PDSS2: variants seen among roughly 807,000 people sequenced by gnomAD.
PDSS2 encodes the protein all trans-polyprenyl-diphosphate synthase PDSS2.
PDSS2 carries 31 observed loss-of-function variants against 44.5 expected under a neutral mutation model. That is an observed-to-expected ratio of 0.70 (90% CI 0.52 to 0.94). The LOEUF is 0.94. Among genes scored for constraint, PDSS2 ranks in the 40% least tolerant of loss-of-function variants. The pLI is 0.00. For missense variants in PDSS2, 452 were observed against 482.2 expected, an observed-to-expected ratio of 0.94 and a Z score of 0.59; for synonymous variants, 157 against 180.3, an observed-to-expected ratio of 0.87 and a Z score of 1.03.
chr6:107,347,974 C>A (rs1778307593), intron 1 of PDSS2, among the ~76,000 whole-genome samples: 2 of 152,114 alleles, frequency 1.3e-5, no homozygotes, highest in South Asian at 2.1e-4. Context: ...CCCCACCCCC[C>A]ACACAGTTTT....
At chr6:107,401,179 A>T (rs1226924465) in intron 1 of PDSS2, among the ~76,000 whole-genome samples, 3 of 152,196 alleles carry the variant, frequency 2.0e-5, no homozygotes, top group Non-Finnish European at 2.9e-5. Flanking sequence ...CAGGAAGGAC[A>T]CAAGCTTTGT....
At chr6:107,216,035 G>C (rs1422168707) in intron 4 of PDSS2, among the ~76,000 whole-genome samples, 1 of 151,982 alleles carries the variant, frequency 6.6e-6, no homozygotes, top group African/African-American at 2.4e-5. Flanking sequence ...TACTTGGGAG[G>C]CTGAGGCAGG....
At chr6:107,438,108 G>A (rs1449998873) in intron 1 of PDSS2, among the ~76,000 whole-genome samples, 1 of 152,118 alleles carries the variant, frequency 6.6e-6, no homozygotes, top group East Asian at 1.9e-4. Context: ...TGGAATATTA[G>A]GTCATCTCAA....
Position 107,387,656 on chromosome 6 carries a change from G to A in PDSS2, c.297-53324C>T, listed in dbSNP as rs1779651346. 2.6e-5 allele frequency among the ~76,000 whole-genome samples: 4 copies of A among 152,282 alleles called. No homozygotes were observed. In the South Asian group the frequency reaches 8.3e-4, roughly 32 times the overall value. ...TAATACTGAAGCATAAAGGTCTGAA[G>A]GATAACAGATATCCACAGTTATTCT... is the stretch of plus-strand genomic sequence containing the variant. On this transcript the variant is annotated intron_variant, in intron 1 of 7. Coordinates refer to ENST00000369037, the MANE Select transcript of PDSS2 (RefSeq NM_020381.4).
intron 1 of PDSS2, among the ~76,000 whole-genome samples, chr6:107,354,175 T>C (rs1488890756): frequency 6.6e-6 from 1 of 152,180 alleles, no homozygotes; most frequent in East Asian, 1.9e-4. Context: ...CTCCATATAC[T>C]CAATAGTCTA....
chr6:107,248,756 G>C (rs1386073896), intron 3 of PDSS2, among the ~76,000 whole-genome samples: 1 of 152,120 alleles, frequency 6.6e-6, no homozygotes, highest in Non-Finnish European at 1.5e-5. Context: ...TTATAATTAG[G>C]CATGTAAACT....
intron 2 of PDSS2, among the ~76,000 whole-genome samples, chr6:107,327,856 T>A (rs1777596764): frequency 6.6e-6 from 1 of 152,250 alleles, no homozygotes; most frequent in African/African-American, 2.4e-5. Flanking sequence ...AGAATCTGGT[T>A]ATAGCTCACA....
chr6:107,239,386 A>C (rs147749016), intron 4 of PDSS2, among the ~76,000 whole-genome samples: 1 of 152,170 alleles, frequency 6.6e-6, no homozygotes, highest in Non-Finnish European at 1.5e-5. Flanking sequence ...AATATTAAAC[A>C]ATCATTAAAA....
intron 1 of PDSS2, among the ~76,000 whole-genome samples, chr6:107,351,484 G>A: frequency 6.6e-6 from 1 of 152,142 alleles, no homozygotes; most frequent in East Asian, 1.9e-4. Flanking sequence ...AGCCTATCAA[G>A]ATGCTTGACT....
chr6:107,248,363 A>G (rs1774697585), intron 3 of PDSS2, among the ~76,000 whole-genome samples: 1 of 152,014 alleles, frequency 6.6e-6, no homozygotes, highest in African/African-American at 2.4e-5. Flanking sequence ...TGCTATAGAT[A>G]AGTGCAACCT....
chr6:107,262,003 G>T, intron 3 of PDSS2, among the ~76,000 whole-genome samples: 1 of 146,750 alleles, frequency 6.8e-6, no homozygotes, highest in East Asian at 2.0e-4. Flanking sequence ...CCGCCTCCCT[G>T]GTTCACGCCA....
intron 2 of PDSS2, among the ~76,000 whole-genome samples, chr6:107,329,982 T>TA (rs1218726359): frequency 7.1e-6 from 1 of 140,650 alleles, no homozygotes; most frequent in Non-Finnish European, 1.5e-5. Context: ...GCCTAGGTGA[T>TA]AGAGCGAGAC....
chr6:107,392,697 G>A (rs1459726602), intron 1 of PDSS2, among the ~76,000 whole-genome samples: 1 of 152,078 alleles, frequency 6.6e-6, no homozygotes, highest in African/African-American at 2.4e-5. Flanking sequence ...TTTAGTCTCA[G>A]TTCATCAGTA....
At chr6:107,261,997 C>A (rs1775254195) in intron 3 of PDSS2, among the ~76,000 whole-genome samples, 1 of 149,002 alleles carries the variant, frequency 6.7e-6, no homozygotes, top group South Asian at 2.1e-4. Context: ...CAAGCTCCGC[C>A]TCCCTGGTTC....
chr6:107,261,934 A>C (rs1286347048), intron 3 of PDSS2, among the ~76,000 whole-genome samples: 2 of 117,582 alleles, frequency 1.7e-5, no homozygotes, highest in African/African-American at 6.9e-5. Flanking sequence ...TTTGAGATGG[A>C]GTCTGGCTCT....
At chr6:107,321,122 G>A (rs1007864231) in intron 2 of PDSS2, among the ~76,000 whole-genome samples, 4 of 152,182 alleles carry the variant, frequency 2.6e-5, no homozygotes, top group Non-Finnish European at 4.4e-5. Flanking sequence ...CTCTATATGT[G>A]TTAGCTATAG....
intron 7 of PDSS2, among the ~76,000 whole-genome samples, chr6:107,175,708 G>A: frequency 6.6e-6 from 1 of 152,162 alleles, no homozygotes; most frequent in East Asian, 1.9e-4. Flanking sequence ...TATGGTTGTA[G>A]AACAAATGTC....
At chr6:107,374,601 G>A (rs983768621) in intron 1 of PDSS2, among the ~76,000 whole-genome samples, 9 of 152,218 alleles carry the variant, frequency 5.9e-5, no homozygotes, top group Admixed American at 2.0e-4. Context: ...GCCATGAACA[G>A]TGTTTTCAGT....
At position 107,169,348 on chromosome 6, in the gene PDSS2, T is replaced by C. The variant is rs563438030; in HGVS notation, c.1042-14571A>G. Among the ~76,000 whole-genome samples the C allele has an allele frequency of 7.2e-5, 11 of 152,286 alleles. No individual in the cohort carries two copies. The East Asian group carries it at 2.1e-3, about 29-fold the overall frequency. ...CTCCATCAGGTCATTTAAGGACTTC[T>C]CTACACTGGTTATTCTAGTTAGCCA... On this transcript the variant is annotated intron_variant, in intron 7 of 7. Coordinates refer to ENST00000369037, the MANE Select transcript of PDSS2 (RefSeq NM_020381.4).
Sources: gnomAD v4.1 joint callset for allele counts (sites outside exome capture counted in the v4.1 genomes callset) on GRCh38, gnomAD v4.1.1 for gene constraint, MANE v1.5 for transcripts, NCBI Gene and HGNC (gene_info 2026-07-23, HGNC 2026-07-21) for gene names.